The following MAGI1 variants were observed in gnomAD, a reference collection of about 807,000 sequenced individuals.
MAGI1 encodes membrane-associated guanylate kinase, WW and PDZ domain-containing protein 1.
Under a neutral mutation model 139.9 loss-of-function variants are expected in MAGI1, and 58 were observed. That is an observed-to-expected ratio of 0.41 (90% CI 0.34 to 0.52). The LOEUF (loss-of-function observed/expected upper bound fraction) is 0.52, where lower values mean the gene tolerates loss of function less well. Among genes scored for constraint, MAGI1 ranks in the 20% least tolerant of loss-of-function variants. The probability of loss-of-function intolerance (pLI) is 0.12; values close to 1 mark genes in which losing one functional copy is unlikely to be tolerated. For synonymous variants in MAGI1, 812 were observed against 737.9 expected (o/e 1.10, Z -1.63); for missense variants, 1,874 against 1,901.6 (o/e 0.99, Z 0.27).
intron 2 of MAGI1, among the ~76,000 whole-genome samples, chr3:65,523,023 C>G (rs897452768): frequency 1.3e-5 from 2 of 152,116 alleles, no homozygotes; most frequent in Non-Finnish European, 2.9e-5. Context: ...TCCTTTCCCA[C>G]ACTTTAGAAT....
At chr3:66,002,162 A>C (rs183897221) in intron 1 of MAGI1, among the ~76,000 whole-genome samples, 50 of 152,354 alleles carry the variant, frequency 3.3e-4, no homozygotes, top group Non-Finnish European at 5.9e-4. Context: ...ATTAACTTCA[A>C]TATTTAGCTT....
At chr3:65,553,067 G>T (rs1282984647) in intron 2 of MAGI1, among the ~76,000 whole-genome samples, 1 of 149,648 alleles carries the variant, frequency 6.7e-6, no homozygotes, top group African/African-American at 2.4e-5. Flanking sequence ...AGATGAAAAA[G>T]AAAAAAAGAT....
At chr3:65,435,144 T>C (rs182214197) in intron 10 of MAGI1, among the ~76,000 whole-genome samples, 2 of 152,284 alleles carry the variant, frequency 1.3e-5, no homozygotes, top group Admixed American at 1.3e-4. Context: ...GTTTGGTGTT[T>C]AAGCCACCTA....
intron 2 of MAGI1, among the ~76,000 whole-genome samples, chr3:65,620,352 C>T (rs770771220): frequency 2.0e-5 from 3 of 152,154 alleles, no homozygotes; most frequent in Non-Finnish European, 1.5e-5. Context: ...CTTACTGACC[C>T]TCCCCGTGAC....
At chr3:66,006,959 T>A (rs112319404) in intron 1 of MAGI1, among the ~76,000 whole-genome samples, 3,640 of 152,154 alleles carry the variant, frequency 0.024, 151 homozygotes, top group African/African-American at 0.084. Flanking sequence ...GCCTCCCAAG[T>A]AGCTAGAACT....
chr3:65,545,911 A>G (rs568948917), intron 2 of MAGI1, among the ~76,000 whole-genome samples: 1 of 152,076 alleles, frequency 6.6e-6, no homozygotes. Flanking sequence ...GACCAAACTC[A>G]GGGGAACCAG....
chr3:65,823,502 T>A (rs927819363), intron 1 of MAGI1, among the ~76,000 whole-genome samples: 2 of 152,216 alleles, frequency 1.3e-5, no homozygotes, highest in Non-Finnish European at 1.5e-5. Context: ...ATGGGAGCAA[T>A]GTGGTATGCC....
At chr3:65,524,155 A>G (rs1231381064) in intron 2 of MAGI1, among the ~76,000 whole-genome samples, 1 of 152,238 alleles carries the variant, frequency 6.6e-6, no homozygotes, top group African/African-American at 2.4e-5. Flanking sequence ...AAGTTTTGAC[A>G]GCAATCTTTC....
intron 2 of MAGI1, among the ~76,000 whole-genome samples, chr3:65,495,930 C>A (rs2107679261): frequency 6.6e-6 from 1 of 152,236 alleles, no homozygotes; most frequent in Admixed American, 6.5e-5. Context: ...GAAACGAAAG[C>A]AAGCGGCAAG....
rs145501108 is a variant in MAGI1 at position 65,364,628 on chromosome 3, G to A, written c.3351+37C>T. ...TAGCTTGAGAAAGTTGGAAGGAAAC[G>A]TGCAAAGTATAGAGAAAAAAGAGAC... On this transcript the variant is annotated intron_variant, in intron 20 of 22. Coordinates refer to ENST00000402939, the MANE Select transcript of MAGI1 (RefSeq NM_001033057.2). 321 of 1,579,988 alleles carry A rather than the reference G, an allele frequency of 2.0e-4. No individual in the cohort carries two copies. The African/African-American group carries it at 3.8e-3, about 19-fold the overall frequency.
intron 1 of MAGI1, among the ~76,000 whole-genome samples, chr3:65,841,442 T>C (rs746558321): frequency 8.8e-6 from 1 of 114,032 alleles, no homozygotes; most frequent in Non-Finnish European, 1.9e-5. Flanking sequence ...TTTGTTTTTG[T>C]TTTTGTTTTT....
chr3:66,006,675 T>C (rs375050199), intron 1 of MAGI1, among the ~76,000 whole-genome samples: 1 of 152,204 alleles, frequency 6.6e-6, no homozygotes, highest in East Asian at 1.9e-4. Context: ...AATACTGTCG[T>C]TTAAAGAAAG....
At chr3:65,555,524 A>T (rs957450370) in intron 2 of MAGI1, among the ~76,000 whole-genome samples, 1 of 152,124 alleles carries the variant, frequency 6.6e-6, no homozygotes, top group African/African-American at 2.4e-5. Context: ...GCTTGAACAC[A>T]GTAGATCTTT....
At chr3:66,027,634 C>A (rs148192945) in intron 1 of MAGI1, among the ~76,000 whole-genome samples, 6 of 152,240 alleles carry the variant, frequency 3.9e-5, no homozygotes, top group Non-Finnish European at 8.8e-5. Context: ...TCTACCTAGA[C>A]AAACCCTTAA....
Position 65,543,077 on chromosome 3 carries a change from A to G in MAGI1, c.431-49446T>C, listed in dbSNP as rs181471831. Among the ~76,000 whole-genome samples the G allele has an allele frequency of 8.5e-3, 1,298 of 152,286 alleles. 19 individuals carry two copies. Among genetic ancestry groups the G allele is most frequent in the African/African-American group, 0.03 (1,233 of 41,560 alleles). ...TAAGAAAAAAAAAACAAACAACCCCATCAAAAAGTAGGCAAAGGATATGAA... is the reference window on the plus strand; with the variant it reads ...TAAGAAAAAAAAAACAAACAACCCCGTCAAAAAGTAGGCAAAGGATATGAA... On this transcript the variant is annotated intron_variant, in intron 2 of 22. Transcript: ENST00000402939.
chr3:65,670,990 G>T (rs1311048169), intron 1 of MAGI1, among the ~76,000 whole-genome samples: 1 of 152,150 alleles, frequency 6.6e-6, no homozygotes, highest in Non-Finnish European at 1.5e-5. Context: ...TAAAATAACT[G>T]AAACTCATGA....
At chr3:65,615,815 C>T (rs891051103) in intron 2 of MAGI1, among the ~76,000 whole-genome samples, 1 of 152,156 alleles carries the variant, frequency 6.6e-6, no homozygotes, top group Non-Finnish European at 1.5e-5. Flanking sequence ...TGGACTATTA[C>T]CTTACTTCGC....
At chr3:65,856,809 G>C (rs544014374) in intron 1 of MAGI1, among the ~76,000 whole-genome samples, 8 of 152,312 alleles carry the variant, frequency 5.3e-5, no homozygotes, top group African/African-American at 1.4e-4. Flanking sequence ...GCTCCAGCCA[G>C]CCGCACAAAC....
intron 1 of MAGI1, among the ~76,000 whole-genome samples, chr3:65,949,471 T>C (rs1425033309): frequency 6.6e-6 from 1 of 152,234 alleles, no homozygotes; most frequent in African/African-American, 2.4e-5. Flanking sequence ...CTGCTTCATT[T>C]TACCAAGACT....
Sources: allele counts gnomAD v4.1 joint callset (sites outside exome capture counted in the v4.1 genomes callset), GRCh38; gene constraint gnomAD v4.1.1; transcripts MANE v1.5; gene names NCBI Gene and HGNC (gene_info 2026-07-23, HGNC 2026-07-21).